Variants in MAP2 observed in about 807,000 individuals in gnomAD.
The protein encoded by MAP2 is microtubule-associated protein 2.
In MAP2, 14 loss-of-function variants were observed where a neutral mutation model predicts 137.6. The observed-to-expected ratio is 0.10, with a 90% CI of 0.07 to 0.16. The LOEUF (loss-of-function observed/expected upper bound fraction) is 0.16, where lower values mean the gene tolerates loss of function less well. MAP2 is among the 10% of genes least tolerant of loss of function. The pLI, the probability that MAP2 is intolerant of heterozygous loss-of-function variation, is 1.00. For missense variants in MAP2, 2,088 were observed against 2,191.5 expected (o/e 0.95, Z 0.94); for synonymous variants, 786 against 782.3 (o/e 1.00, Z -0.08).
intron 1 of MAP2, among the ~76,000 whole-genome samples, chr2:209,426,889 A>G (rs1692710658): frequency 6.6e-6 from 1 of 152,218 alleles, no homozygotes; most frequent in Non-Finnish European, 1.5e-5. Context: ...TTTTCTAAAC[A>G]TCAGAAGGGA....
At chr2:209,723,096 G>A (rs561348687) in intron 13 of MAP2, among the ~76,000 whole-genome samples, 1 of 152,322 alleles carries the variant, frequency 6.6e-6, no homozygotes, top group East Asian at 1.9e-4. Context: ...CATTCACCAT[G>A]TGTGAGCCCC....
intron 1 of MAP2, among the ~76,000 whole-genome samples, chr2:209,475,667 T>A (rs1241459397): frequency 1.3e-5 from 2 of 152,128 alleles, no homozygotes; most frequent in Non-Finnish European, 2.9e-5. Flanking sequence ...AAATTCAGCC[T>A]ATTTGAACTA....
At chr2:209,664,962 CAAAAAAAAAAAAA>C (rs67286716) in intron 5 of MAP2, among the ~76,000 whole-genome samples, 1,606 of 51,890 alleles carry the variant, frequency 0.031, 28 homozygotes, top group Non-Finnish European at 0.051. Flanking sequence ...AACTCCGTCT[CAAAAAAAAAAAAA>C]AAAAAAAAAA....
intron 3 of MAP2, among the ~76,000 whole-genome samples, chr2:209,609,947 T>C (rs1158417617): frequency 6.6e-6 from 1 of 152,160 alleles, no homozygotes; most frequent in African/African-American, 2.4e-5. Flanking sequence ...TACATACTTA[T>C]GGAGCACTAA....
intron 2 of MAP2, among the ~76,000 whole-genome samples, chr2:209,561,435 AT>A (rs139416484): frequency 0.02 from 3,001 of 152,260 alleles, 95 homozygotes; most frequent in African/African-American, 0.068. Context: ...CTGGGGCCAG[AT>A]TTGTCTGATT....
chr2:209,676,543 G>T (rs2051581266), intron 5 of MAP2, among the ~76,000 whole-genome samples: 1 of 151,398 alleles, frequency 6.6e-6, no homozygotes, highest in South Asian at 2.1e-4. Context: ...TTAAAAGTTA[G>T]AATTGTGACA....
At chr2:209,682,491 A>G (rs2055075940) in intron 7 of MAP2, among the ~76,000 whole-genome samples, 1 of 152,162 alleles carries the variant, frequency 6.6e-6, no homozygotes, top group South Asian at 2.1e-4. Context: ...CTCCATCTCA[A>G]AATAAATAAA....
chr2:209,480,635 A>C (rs1218440613), intron 1 of MAP2, among the ~76,000 whole-genome samples: 1 of 152,096 alleles, frequency 6.6e-6, no homozygotes, highest in East Asian at 1.9e-4. Context: ...TTTATGTATC[A>C]GTCATTTTGT....
rs770703033 is a variant in MAP2 at position 209,494,474 on chromosome 2, T to C, written c.-221-13118T>C. Among the ~76,000 whole-genome samples the C allele has an allele frequency of 4.7e-5, 7 of 148,552 alleles. No homozygotes were observed. In the East Asian group the frequency reaches 7.8e-4, roughly 17 times the overall value. On this transcript the variant is annotated intron_variant, in intron 1 of 15. Coordinates refer to ENST00000682079, the MANE Select transcript of MAP2 (RefSeq NM_001375505.1). ...CAGCTAAATCCCACTGAAACCAAGA[T>C]GGTTATGAGAGTGACCTTTGGTCAT...
intron 1 of MAP2, among the ~76,000 whole-genome samples, chr2:209,430,205 G>T (rs1045460969): frequency 2.7e-5 from 4 of 149,736 alleles, no homozygotes; most frequent in African/African-American, 9.8e-5. Context: ...TCTTTAATTT[G>T]CTACAAAACT....
chr2:209,596,631 T>G (rs1034401332), intron 3 of MAP2, among the ~76,000 whole-genome samples: 2 of 152,198 alleles, frequency 1.3e-5, no homozygotes, highest in African/African-American at 4.8e-5. Context: ...AATATTGGCA[T>G]AGCTGAGGCT....
chr2:209,467,487 C>A (rs1288443956), intron 1 of MAP2, among the ~76,000 whole-genome samples: 1 of 152,152 alleles, frequency 6.6e-6, no homozygotes, highest in Non-Finnish European at 1.5e-5. Flanking sequence ...GGCCCTGAAT[C>A]TCTGACCAGC....
chr2:209,695,010 G>C lies in MAP2; in HGVS notation c.2840G>C (p.Ser947Thr). 2 of 1,614,184 alleles carry C rather than the reference G, an allele frequency of 1.2e-6. No homozygotes were observed. Among genetic ancestry groups the C allele is most frequent in the Non-Finnish European group, 1.7e-6 (2 of 1,180,038 alleles). The change falls in exon 8 of 16, where the codon AGT becomes ACT. Residue 947 changes from serine to threonine, a missense_variant. This residue lies in a region of MAP2 where 500 missense variants were observed against 482.9 expected (regional missense o/e 1.04). Coordinates refer to ENST00000682079, the MANE Select transcript of MAP2 (RefSeq NM_001375505.1). ...ATCTCTGGTGACAAATCAGGACTGAGTAAGGAGTTTGACCAAGAGAAGAAA... is the reference window on the plus strand; with the variant it reads ...ATCTCTGGTGACAAATCAGGACTGACTAAGGAGTTTGACCAAGAGAAGAAA... ...AHISGDKSGL[S>T]KEFDQEKKAN...
chr2:209,478,323 T>C (rs1302892980), intron 1 of MAP2, among the ~76,000 whole-genome samples: 1 of 152,184 alleles, frequency 6.6e-6, no homozygotes, highest in Non-Finnish European at 1.5e-5. Context: ...ATCTTTAAAA[T>C]GGAGATAACC....
chr2:209,457,463 G>A (rs535006449), intron 1 of MAP2, among the ~76,000 whole-genome samples: 3 of 152,284 alleles, frequency 2.0e-5, no homozygotes, highest in Non-Finnish European at 4.4e-5. Flanking sequence ...CAAAAATGGA[G>A]GCCTAAGGAA....
At chr2:209,502,999 CTTTTTTTTT>C (rs71043931) in intron 1 of MAP2, among the ~76,000 whole-genome samples, 1 of 131,334 alleles carries the variant, frequency 7.6e-6, no homozygotes, top group African/African-American at 2.9e-5. Flanking sequence ...GATTTTTTTT[CTTTTTTTTT>C]TTTTTTTTCT....
chr2:209,698,620 A>G (rs1449464312), intron 10 of MAP2, among the ~76,000 whole-genome samples: 2 of 152,212 alleles, frequency 1.3e-5, no homozygotes, highest in Non-Finnish European at 2.9e-5. Flanking sequence ...TTCAAAAACA[A>G]GAATCTAAGG....
chr2:209,679,817 A>G (rs1477678373), intron 6 of MAP2, among the ~76,000 whole-genome samples: 1 of 152,058 alleles, frequency 6.6e-6, no homozygotes, highest in Non-Finnish European at 1.5e-5. Flanking sequence ...AGAAAACTCA[A>G]TTTTTTAAAA....
chr2:209,588,927 T>C lies in MAP2; in HGVS notation c.-107+8827T>C, dbSNP rs112554712. Reference sequence around the variant, plus strand: ...ATTTTAAAAATCATACAAGAACTCATGAGCCTGAGAAATTCACATAATTCT... The same window carrying C: ...ATTTTAAAAATCATACAAGAACTCACGAGCCTGAGAAATTCACATAATTCT... On this transcript the variant is annotated intron_variant, in intron 3 of 15. Transcript: ENST00000682079. Among the ~76,000 whole-genome samples the C allele has an allele frequency of 9.2e-3, 1,405 of 152,260 alleles. 23 individuals carry two copies. The highest frequency in any genetic ancestry group is 0.031 in the African/African-American group (1,300 of 41,556).
Sources: allele counts gnomAD v4.1 joint callset (sites outside exome capture counted in the v4.1 genomes callset), GRCh38; gene constraint gnomAD v4.1.1; regional missense constraint gnomAD v4.1.1; transcripts MANE v1.5; gene names NCBI Gene and HGNC (gene_info 2026-07-23, HGNC 2026-07-21).